Variants in ANKRD44 observed in about 807,000 individuals in gnomAD.
ANKRD44 encodes ankyrin repeat domain 44.
Under a neutral mutation model 116.0 loss-of-function variants are expected in ANKRD44, and 35 were observed. That is an observed-to-expected ratio of 0.30 (90% CI 0.23 to 0.40). ANKRD44 has a LOEUF of 0.40. ANKRD44 is among the 10% of genes least tolerant of loss of function. The probability of loss-of-function intolerance (pLI) is 1.00; values close to 1 mark genes in which losing one functional copy is unlikely to be tolerated. For missense variants in ANKRD44, 1,014 were observed against 1,242.6 expected (o/e 0.82, Z 2.77); for synonymous variants, 435 against 461.8 (o/e 0.94, Z 0.74).
At chr2:197,139,992 G>A (rs557147812) in intron 3 of ANKRD44, among the ~76,000 whole-genome samples, 9 of 151,516 alleles carry the variant, frequency 5.9e-5, no homozygotes, top group Admixed American at 1.3e-4. Context: ...CGATTCTCCC[G>A]CCTCAGCCTC....
chr2:197,042,718 T>C (rs910511272), intron 16 of ANKRD44, among the ~76,000 whole-genome samples: 1 of 152,158 alleles, frequency 6.6e-6, no homozygotes, highest in African/African-American at 2.4e-5. Context: ...ATTTATTTAT[T>C]TTTTAGTTTT....
At position 197,179,933 on chromosome 2, in the gene ANKRD44, G is replaced by C. The variant is rs556391484; in HGVS notation, c.111+7090C>G. 8.1e-4 allele frequency among the ~76,000 whole-genome samples: 124 copies of C among 152,282 alleles called. 5 individuals carry two copies. In the South Asian group the frequency reaches 0.025, roughly 30 times the overall value. On this transcript the variant is annotated intron_variant, in intron 2 of 27. Transcript: ENST00000282272. ...CATCCTGGGCAGGGGTCCAACAAGGGGGGCGTGGATGAGAGTGGATGGGGA... is the reference window on the plus strand; with the variant it reads ...CATCCTGGGCAGGGGTCCAACAAGGCGGGCGTGGATGAGAGTGGATGGGGA...
At chr2:197,085,385 A>G (rs1194566494) in intron 13 of ANKRD44, among the ~76,000 whole-genome samples, 1 of 152,198 alleles carries the variant, frequency 6.6e-6, no homozygotes, top group Non-Finnish European at 1.5e-5. Context: ...GAGCAACTCC[A>G]TCTTGAATAA....
intron 2 of ANKRD44, among the ~76,000 whole-genome samples, chr2:197,183,198 G>A (rs1409901292): frequency 6.6e-6 from 1 of 152,104 alleles, no homozygotes; most frequent in African/African-American, 2.4e-5. Context: ...GTTAATGAAT[G>A]GGTGATTTAC....
At chr2:197,047,885 G>A (rs780636066) in intron 16 of ANKRD44, among the ~76,000 whole-genome samples, 2 of 151,740 alleles carry the variant, frequency 1.3e-5, no homozygotes, top group Non-Finnish European at 2.9e-5. Flanking sequence ...ACTCTAGCCT[G>A]GGCAACACAG....
downstream of ANKRD44, among the ~76,000 whole-genome samples, chr2:196,985,126 G>A (rs976206193): frequency 6.6e-6 from 1 of 152,172 alleles, no homozygotes; most frequent in African/African-American, 2.4e-5. Flanking sequence ...AGGAACGGAC[G>A]GCAGCCAACA....
At chr2:197,240,708 C>G (rs1559177157) in intron 1 of ANKRD44, among the ~76,000 whole-genome samples, 1 of 147,536 alleles carries the variant, frequency 6.8e-6, no homozygotes, top group Non-Finnish European at 1.5e-5. Flanking sequence ...TTTTATTAGC[C>G]ACAACATGTA....
At chr2:197,109,525 G>A (rs2078515823) in intron 9 of ANKRD44, among the ~76,000 whole-genome samples, 1 of 152,112 alleles carries the variant, frequency 6.6e-6, no homozygotes, top group East Asian at 1.9e-4. Flanking sequence ...AATTCCACTG[G>A]CTGGTCTTCC....
intron 16 of ANKRD44, among the ~76,000 whole-genome samples, chr2:197,073,741 C>T (rs185999547): frequency 2.0e-5 from 3 of 152,274 alleles, no homozygotes; most frequent in Admixed American, 1.3e-4. Context: ...TCCAAAGAAG[C>T]CTTCTCTCTA....
intron 16 of ANKRD44, among the ~76,000 whole-genome samples, chr2:197,038,541 T>C (rs1480367792): frequency 6.6e-6 from 1 of 152,194 alleles, no homozygotes; most frequent in Non-Finnish European, 1.5e-5. Flanking sequence ...TTGTCTACAT[T>C]TCAGGGGTCA....
intron 15 of ANKRD44, among the ~76,000 whole-genome samples, chr2:197,080,159 A>G (rs1177016617): frequency 6.6e-6 from 1 of 152,240 alleles, no homozygotes; most frequent in African/African-American, 2.4e-5. Context: ...CAATTTCTGA[A>G]TGGATTATAT....
intron 1 of ANKRD44, among the ~76,000 whole-genome samples, chr2:197,294,744 C>A (rs1419987046): frequency 6.6e-6 from 1 of 152,040 alleles, no homozygotes; most frequent in Non-Finnish European, 1.5e-5. Context: ...AATACTTGAC[C>A]TTTAAACTGT....
chr2:197,310,475 T>A, intron 1 of ANKRD44, 103 bp downstream of exon 1: 1 of 839,280 alleles, frequency 1.2e-6, no homozygotes, highest in African/African-American at 1.9e-5. Flanking sequence ...TCGCCGCGAG[T>A]AAACAGCTCG....
chr2:197,104,186 T>G (rs530759200), intron 9 of ANKRD44, among the ~76,000 whole-genome samples: 1 of 152,322 alleles, frequency 6.6e-6, no homozygotes, highest in South Asian at 2.1e-4. Context: ...AGTGACACAG[T>G]CTCGGCTCAC....
intron 2 of ANKRD44, among the ~76,000 whole-genome samples, chr2:197,183,142 A>C (rs2080556822): frequency 6.6e-6 from 1 of 152,180 alleles, no homozygotes; most frequent in South Asian, 2.1e-4. Context: ...AGTCTGGAAA[A>C]ACACAGAGGC....
At chr2:197,210,584 C>CT (rs1352023920) in intron 1 of ANKRD44, among the ~76,000 whole-genome samples, 1 of 152,212 alleles carries the variant, frequency 6.6e-6, no homozygotes, top group Non-Finnish European at 1.5e-5. Flanking sequence ...CTATCTGACT[C>CT]TAACACCTTC....
At chr2:197,274,234 G>A (rs966500475) in intron 1 of ANKRD44, among the ~76,000 whole-genome samples, 1 of 151,940 alleles carries the variant, frequency 6.6e-6, no homozygotes. Context: ...GGAAGTTAGT[G>A]AAAATTCTCT....
chr2:197,231,988 G>C (rs995768722), intron 1 of ANKRD44, among the ~76,000 whole-genome samples: 3 of 152,194 alleles, frequency 2.0e-5, no homozygotes, highest in Non-Finnish European at 4.4e-5. Context: ...ATGGATGGAA[G>C]GATGACTTTG....
At chr2:197,253,466 C>T (rs970340520) in intron 1 of ANKRD44, among the ~76,000 whole-genome samples, 5 of 152,116 alleles carry the variant, frequency 3.3e-5, no homozygotes, top group South Asian at 4.1e-4. Context: ...ATTCCACATA[C>T]GTCAATAAAA....
Sources: allele counts gnomAD v4.1 joint callset (sites outside exome capture counted in the v4.1 genomes callset), GRCh38; gene constraint gnomAD v4.1.1; transcripts MANE v1.5; gene names NCBI Gene and HGNC (gene_info 2026-07-23, HGNC 2026-07-21).